Variants in ZNF846 observed in about 807,000 individuals in gnomAD.
The protein encoded by ZNF846 is zinc finger protein 420 pseudogene.
A neutral mutation model predicts 16.0 loss-of-function variants in ZNF846; 15 were observed. That is an observed-to-expected ratio of 0.94 (90% CI 0.63 to 1.45). ZNF846 has a LOEUF of 1.45. ZNF846 is among the 40% of genes most tolerant of loss of function. The pLI is 0.00. For missense variants in ZNF846, 714 were observed against 622.3 expected, an observed-to-expected ratio of 1.15 and a Z score of -1.57; for synonymous variants, 229 against 212.0, an observed-to-expected ratio of 1.08 and a Z score of -0.70.
At chr19:9,776,746 C>T (rs1407978974) in intron 1 of ZNF846, among the ~76,000 whole-genome samples, 1 of 152,152 alleles carries the variant, frequency 6.6e-6, no homozygotes, top group African/African-American at 2.4e-5. Context: ...AGAAGCCCAC[C>T]GACCCTGTGG....
intron 4 of ZNF846, 76 bp from the exon 5 acceptor site, chr19:9,760,018 G>T: frequency 1.8e-6 from 2 of 1,108,444 alleles, no homozygotes; most frequent in Non-Finnish European, 2.7e-6. Flanking sequence ...GGGGCTGGGC[G>T]TGGTGGCTCA....
At chr19:9,763,312 A>G in exon 3 of ZNF846, 1 of 1,605,654 alleles carries the variant, frequency 6.2e-7, no homozygotes, top group East Asian at 2.3e-5. Context: ...TAGTTCTCCA[A>G]CATCACATCT....
intron 1 of ZNF846, among the ~76,000 whole-genome samples, chr19:9,779,355 G>A (rs926498113): frequency 9.2e-5 from 14 of 151,984 alleles, no homozygotes; most frequent in Non-Finnish European, 1.5e-4. Flanking sequence ...CGCAACCTCC[G>A]CCTCCCGGGT....
At chr19:9,763,285 G>A in exon 3 of ZNF846, 1 of 1,589,506 alleles carries the variant, frequency 6.3e-7, no homozygotes. Flanking sequence ...GTTTTACCTA[G>A]TATAATGAGA....
exon 1 of ZNF846, chr19:9,768,529 G>A (rs1040961386): frequency 6.6e-6 from 1 of 152,294 alleles, no homozygotes; most frequent in Admixed American, 6.5e-5. Flanking sequence ...CCCCCGCCTC[G>A]GGGTCCTGGC....
At chr19:9,754,237 T>C (rs1045999849), downstream of ZNF846, among the ~76,000 whole-genome samples, 8 of 151,694 alleles carry the variant, frequency 5.3e-5, no homozygotes, top group East Asian at 1.3e-3. Flanking sequence ...CTTTTTCCAT[T>C]ATTTAACTTT....
At chr19:9,758,554 G>A in exon 6 of ZNF846, 1 of 1,612,918 alleles carries the variant, frequency 6.2e-7, no homozygotes. Flanking sequence ...GCTTTTTCAT[G>A]TTTAACACAC....
chr19:9,750,258 C>G (rs773562112), downstream of ZNF846, among the ~76,000 whole-genome samples: 7 of 152,112 alleles, frequency 4.6e-5, no homozygotes, highest in Non-Finnish European at 7.4e-5. Flanking sequence ...TCATTTGACT[C>G]TCCTCCTGAC....
intron 2 of ZNF846, 54 bp from the exon 3 acceptor site, chr19:9,763,462 C>G: frequency 6.6e-7 from 1 of 1,518,030 alleles, no homozygotes; most frequent in Non-Finnish European, 8.8e-7. Context: ...CTTTGATGTT[C>G]TGAGAAAAAT....
chr19:9,750,374 C>G (rs572522466), downstream of ZNF846, among the ~76,000 whole-genome samples: 91 of 152,272 alleles, frequency 6.0e-4, 1 homozygote, highest in South Asian at 0.018. Flanking sequence ...CTTCCCTCTA[C>G]GCAGTTGCAC....
At chr19:9,764,962 C>A (rs747939244) in exon 2 of ZNF846, 10 of 1,614,154 alleles carry the variant, frequency 6.2e-6, no homozygotes, top group African/African-American at 2.7e-5. Context: ...AGTAATCCAT[C>A]AGTAACCCAG....
rs1035746368 is a variant in ZNF846 at position 9,783,399 on chromosome 19, T to A, written c.-86+2539A>T. Among the ~76,000 whole-genome samples the A allele has an allele frequency of 1.6e-4, 24 of 149,404 alleles. 1 individual carries two copies. The highest frequency in any genetic ancestry group is 3.0e-5 in the Non-Finnish European group (2 of 67,270). On this transcript the variant is annotated intron_variant, in intron 1 of 4. Coordinates refer to the ZNF846 transcript ENST00000586814. ...ACCCGCATCACCATGCCTAGCTAATTTTGTATTTTTAGTAGAGACAGGGTT... is the reference window on the plus strand; with the variant it reads ...ACCCGCATCACCATGCCTAGCTAATATTGTATTTTTAGTAGAGACAGGGTT...
exon 6 of ZNF846, chr19:9,757,782 G>A (rs768720850): frequency 2.5e-6 from 4 of 1,613,550 alleles, no homozygotes; most frequent in Middle Eastern, 1.6e-4. Flanking sequence ...CGAGGATTGA[G>A]TGAAAGCTTT....
chr19:9,757,781 A>G, exon 6 of ZNF846: 1 of 1,613,668 alleles, frequency 6.2e-7, no homozygotes, highest in East Asian at 2.2e-5. Context: ...CCGAGGATTG[A>G]GTGAAAGCTT....
chr19:9,782,604 A>C (rs935301032), intron 1 of ZNF846, among the ~76,000 whole-genome samples: 2 of 152,140 alleles, frequency 1.3e-5, no homozygotes, highest in Admixed American at 6.6e-5. Flanking sequence ...CTAGATGTAC[A>C]TGGTGTCTCA....
intron 1 of ZNF846, among the ~76,000 whole-genome samples, chr19:9,784,906 G>A (rs1374758950): frequency 6.6e-6 from 1 of 152,092 alleles, no homozygotes; most frequent in Non-Finnish European, 1.5e-5. Context: ...CACAGGGTTG[G>A]GGCTAAGGTT....
intron 3 of ZNF846, 24 bp downstream of exon 3, chr19:9,763,258 G>T: frequency 6.5e-7 from 1 of 1,543,178 alleles, no homozygotes; most frequent in South Asian, 1.2e-5. Flanking sequence ...AAAGGGGTCA[G>T]TGAAGAAATG....
chr19:9,778,639 T>C (rs573083179), intron 1 of ZNF846, among the ~76,000 whole-genome samples: 7 of 151,984 alleles, frequency 4.6e-5, no homozygotes, highest in Admixed American at 1.3e-4. Context: ...ACCCTGTTTC[T>C]ACTAAAAATA....
At chr19:9,764,268 A>T (rs2045279063) in intron 2 of ZNF846, among the ~76,000 whole-genome samples, 1 of 152,174 alleles carries the variant, frequency 6.6e-6, no homozygotes, top group Non-Finnish European at 1.5e-5. Flanking sequence ...GTCTAGCTTC[A>T]CATCCTGTTT....
Sources: gnomAD v4.1 joint callset for allele counts (sites outside exome capture counted in the v4.1 genomes callset) on GRCh38, gnomAD v4.1.1 for gene constraint, MANE v1.5 for transcripts, NCBI Gene and HGNC (gene_info 2026-07-23, HGNC 2026-07-21) for gene names.